EIF3E: variants seen among roughly 807,000 people sequenced by gnomAD.
EIF3E encodes the protein eIF-3 p48.
Under a neutral mutation model 59.3 loss-of-function variants are expected in EIF3E, and 25 were observed. The ratio of observed to expected loss-of-function variants is 0.42; its 90% CI spans 0.31 to 0.59. The LOEUF (loss-of-function observed/expected upper bound fraction) is 0.59, where lower values mean the gene tolerates loss of function less well. Among genes scored for constraint, EIF3E ranks in the 20% least tolerant of loss-of-function variants. EIF3E has a pLI of 0.15. For missense variants in EIF3E, 317 were observed against 534.3 expected (o/e 0.59, Z 4.01); for synonymous variants, 176 against 170.2 (o/e 1.03, Z -0.26).
At chr8:108,240,736 A>C (rs1038244085) in intron 2 of EIF3E, among the ~76,000 whole-genome samples, 1 of 152,214 alleles carries the variant, frequency 6.6e-6, no homozygotes, top group Non-Finnish European at 1.5e-5. Context: ...AACCCCAGCA[A>C]CTTGGGAGGC....
At chr8:108,204,188 C>T (rs1815047772) in intron 10 of EIF3E, among the ~76,000 whole-genome samples, 1 of 151,862 alleles carries the variant, frequency 6.6e-6, no homozygotes, top group Non-Finnish European at 1.5e-5. Context: ...AATGGTTATA[C>T]AAAGTAAACC....
intron 10 of EIF3E, among the ~76,000 whole-genome samples, chr8:108,212,196 T>C (rs535500603): frequency 1.9e-4 from 29 of 152,282 alleles, no homozygotes; most frequent in Admixed American, 4.6e-4. Context: ...AACTGTAAGA[T>C]AGGCACGGTG....
intron 3 of EIF3E, among the ~76,000 whole-genome samples, chr8:108,236,965 T>A (rs1459523937): frequency 6.6e-6 from 1 of 151,718 alleles, no homozygotes; most frequent in Non-Finnish European, 1.5e-5. Context: ...GAGGTTGCAG[T>A]GAACAGAGAT....
At chr8:108,220,505 T>C (rs1239859906) in intron 7 of EIF3E, among the ~76,000 whole-genome samples, 1 of 152,248 alleles carries the variant, frequency 6.6e-6, no homozygotes, top group Non-Finnish European at 1.5e-5. Context: ...GCTGGCTTTT[T>C]ATTACTTATG....
intron 10 of EIF3E, among the ~76,000 whole-genome samples, chr8:108,204,200 T>C (rs574881680): frequency 1.4e-4 from 22 of 152,008 alleles, no homozygotes; most frequent in Non-Finnish European, 2.5e-4. Context: ...AAGTAAACCT[T>C]TGTATAAAGG....
chr8:108,207,658 T>C (rs935111482), intron 10 of EIF3E, among the ~76,000 whole-genome samples: 2 of 152,190 alleles, frequency 1.3e-5, no homozygotes, highest in Non-Finnish European at 2.9e-5. Context: ...CAGCTTAAGG[T>C]AGATACTTAA....
At chr8:108,238,855 G>A (rs1393786620) in intron 3 of EIF3E, among the ~76,000 whole-genome samples, 1 of 152,122 alleles carries the variant, frequency 6.6e-6, no homozygotes, top group Non-Finnish European at 1.5e-5. Flanking sequence ...CTGGTAGCTA[G>A]GATTTATCTC....
intron 1 of EIF3E, among the ~76,000 whole-genome samples, chr8:108,248,017 A>AT (rs1302459497): frequency 1.8e-4 from 11 of 62,228 alleles, no homozygotes; most frequent in Admixed American, 7.7e-4. Flanking sequence ...GATTGGAGGG[A>AT]TTTTTTCTGG....
intron 5 of EIF3E, chr8:108,232,026 T>C (rs1437972400): frequency 6.6e-6 from 1 of 151,970 alleles, no homozygotes; most frequent in Non-Finnish European, 1.5e-5. Context: ...CAGAAAAGTA[T>C]TTAGAAATAA....
chr8:108,205,058 ATGTATG>A (rs1815074998), intron 10 of EIF3E, among the ~76,000 whole-genome samples: 1 of 152,120 alleles, frequency 6.6e-6, no homozygotes, highest in African/African-American at 2.4e-5. Flanking sequence ...GTATACATGC[ATGTATG>A]TATGTGTGTT....
In EIF3E at chr8:108,204,746, T is replaced by TATATAGAG. The variant is rs1354950271; in HGVS notation, c.1062-1244_1062-1243insCTCTATAT. Among the ~76,000 whole-genome samples the TATATAGAG allele has an allele frequency of 1.1e-4, 12 of 113,682 alleles. No individual in the cohort carries two copies. The East Asian group carries it at 1.2e-3, about 11-fold the overall frequency. 74.6% of individuals were successfully genotyped at this position (113,682 alleles called of 152,430 possible). A position where few individuals can be genotyped will look rare whatever the true frequency, so the allele number is the denominator to read the frequency against. ...TAGTATGTATGTATATATATATATA[T>TATATAGAG]AGAGAGAGAGAGAGAGAGAGAGAGA... On this transcript the variant is annotated intron_variant, in intron 10 of 12. Transcript: ENST00000220849.
At chr8:108,220,813 T>C (rs1815396952) in intron 7 of EIF3E, among the ~76,000 whole-genome samples, 2 of 152,228 alleles carry the variant, frequency 1.3e-5, no homozygotes, top group Non-Finnish European at 2.9e-5. Context: ...ATCAAACATG[T>C]TTTAACTGGA....
At chr8:108,217,291 T>G in intron 8 of EIF3E, 43 bp downstream of exon 8, 3 of 1,407,198 alleles carry the variant, frequency 2.1e-6, no homozygotes, top group Non-Finnish European at 2.8e-6. Context: ...GACCTAAAGC[T>G]TAGGTATTTA....
At chr8:108,223,217 A>C (rs1040483152) in intron 7 of EIF3E, among the ~76,000 whole-genome samples, 1 of 152,318 alleles carries the variant, frequency 6.6e-6, no homozygotes, top group Non-Finnish European at 1.5e-5. Flanking sequence ...TCACGAAGGA[A>C]GTAAATCTGA....
intron 10 of EIF3E, among the ~76,000 whole-genome samples, chr8:108,209,949 G>T (rs1367379556): frequency 3.3e-5 from 5 of 151,818 alleles, no homozygotes; most frequent in Non-Finnish European, 7.4e-5. Flanking sequence ...TTTGCAAGAT[G>T]TTACTAATGG....
intron 7 of EIF3E, 197 bp downstream of exon 7, chr8:108,228,070 C>T (rs1373751392): frequency 4.2e-6 from 2 of 473,570 alleles, no homozygotes; most frequent in Non-Finnish European, 7.0e-6. Flanking sequence ...CTTTAAAAGG[C>T]TTAGGGTACA....
chr8:108,246,147 C>A (rs767415227), intron 1 of EIF3E, among the ~76,000 whole-genome samples: 1 of 151,986 alleles, frequency 6.6e-6, no homozygotes, highest in Non-Finnish European at 1.5e-5. Flanking sequence ...AGCAAGAGAG[C>A]GAGACAGATT....
intron 5 of EIF3E, 24 bp downstream of exon 5, chr8:108,234,974 A>C (rs759585027): frequency 2.2e-5 from 32 of 1,433,004 alleles, no homozygotes; most frequent in African/African-American, 8.7e-5. Flanking sequence ...AAAAAAAAAA[A>C]AAAAAACATG....
At chr8:108,219,063 G>T (rs1180173209) in intron 7 of EIF3E, among the ~76,000 whole-genome samples, 3 of 151,970 alleles carry the variant, frequency 2.0e-5, no homozygotes, top group African/African-American at 7.2e-5. Flanking sequence ...GGGATTACAG[G>T]CATGAGCCAC....
Sources: gnomAD v4.1 joint callset for allele counts (sites outside exome capture counted in the v4.1 genomes callset) on GRCh38, gnomAD v4.1.1 for gene constraint, MANE v1.5 for transcripts, NCBI Gene and HGNC (gene_info 2026-07-23, HGNC 2026-07-21) for gene names.